Variants in HS3ST3B1 observed in about 807,000 individuals in gnomAD.
HS3ST3B1 encodes heparan sulfate-glucosamine 3-sulfotransferase 3B1.
Under a neutral mutation model 21.3 loss-of-function variants are expected in HS3ST3B1, and 13 were observed. That is an observed-to-expected ratio of 0.61 (90% CI 0.40 to 0.97). The LOEUF (loss-of-function observed/expected upper bound fraction) is 0.97, where lower values mean the gene tolerates loss of function less well. Ranked by LOEUF, HS3ST3B1 falls within the 50% of genes least tolerant of loss-of-function variation. HS3ST3B1 has a pLI of 0.00. For missense variants in HS3ST3B1, 459 were observed against 554.8 expected (o/e 0.83, Z 1.73); for synonymous variants, 234 against 254.8 (o/e 0.92, Z 0.78).
At chr17:14,340,413 C>T (rs948591237) in intron 1 of HS3ST3B1, among the ~76,000 whole-genome samples, 1 of 151,984 alleles carries the variant, frequency 6.6e-6, no homozygotes, top group Admixed American at 6.5e-5. Flanking sequence ...CCACTGACCC[C>T]CACCCTGCTC....
rs755896423 is a variant in HS3ST3B1, at chr17:14,301,962, C to A, written c.444C>A (p.Gly148=). The part of the protein sequence containing the change: ...PQAIIIGVKK[G]GTRALLEFLR... ...CCATCATCATCGGCGTGAAGAAGGG[C>A]GGCACGCGGGCGCTGCTGGAGTTTC... is the stretch of plus-strand genomic sequence containing the variant. Residue 148 remains glycine (G), a synonymous_variant, in exon 1 of 2, where the codon GGC becomes GGA. Coordinates refer to ENST00000360954, the MANE Select transcript of HS3ST3B1 (RefSeq NM_006041.3). The A allele has an allele frequency of 2.5e-6, 4 of 1,608,666 alleles. No individual in the cohort carries two copies. The highest frequency in any genetic ancestry group is 1.3e-5 in the African/African-American group (1 of 74,892).
rs1010011240 is a variant in HS3ST3B1, at chr17:14,347,301, T to C, written c.*1655T>C. 6.6e-6 allele frequency: 1 copy of C among 152,240 alleles called. No homozygotes were observed. The highest frequency in any genetic ancestry group is 1.5e-5 in the Non-Finnish European group (1 of 68,046). The allele number at this position is 152,240 out of a possible 1,614,324, so 9.4% of individuals were successfully genotyped here. A position where few individuals can be genotyped will look rare whatever the true frequency, so the allele number is the denominator to read the frequency against. On this transcript the variant is annotated 3_prime_UTR_variant, in exon 2 of 2. Transcript: ENST00000360954. ...GTGCCTCTCTGTTGATTTATAACAG[T>C]TGGGTAACCAGATAGCAATATAGTG...
chr17:14,319,536 G>A (rs1372952273), intron 1 of HS3ST3B1, among the ~76,000 whole-genome samples: 4 of 152,124 alleles, frequency 2.6e-5, no homozygotes, highest in Non-Finnish European at 5.9e-5. Flanking sequence ...AATGTATTGA[G>A]CATCTACTCT....
chr17:14,316,032 C>A (rs1224746516), intron 1 of HS3ST3B1, among the ~76,000 whole-genome samples: 5 of 152,174 alleles, frequency 3.3e-5, no homozygotes, highest in Non-Finnish European at 7.3e-5. Flanking sequence ...TTGTGTCTAT[C>A]CAGATGCCAG....
intron 1 of HS3ST3B1, among the ~76,000 whole-genome samples, chr17:14,338,062 G>C (rs1053191079): frequency 6.6e-6 from 1 of 151,708 alleles, no homozygotes. Context: ...GGCATATAAC[G>C]CCAGTTAAAA....
intron 1 of HS3ST3B1, among the ~76,000 whole-genome samples, chr17:14,306,931 ACT>A (rs1352781718): frequency 6.6e-6 from 1 of 152,178 alleles, no homozygotes; most frequent in Non-Finnish European, 1.5e-5. Flanking sequence ...CATGTGTTGA[ACT>A]CTGTTTTTAA....
In HS3ST3B1 at chr17:14,345,718, A is replaced by T. The variant is rs1266169748; in HGVS notation, c.*72A>T. 1 of 1,504,740 alleles carries T rather than the reference A, an allele frequency of 6.6e-7. No homozygotes were observed. The highest frequency in any genetic ancestry group is 8.9e-7 in the Non-Finnish European group (1 of 1,122,532). 93.2% of individuals were successfully genotyped at this position (1,504,740 alleles called of 1,614,324 possible). A position where few individuals can be genotyped will look rare whatever the true frequency, so the allele number is the denominator to read the frequency against. ...GAGATTATATGTATGTAAAATGTAC[A>T]GAAATCTATTTTATAATAATTTATT... On this transcript the variant is annotated 3_prime_UTR_variant, in exon 2 of 2. Transcript: ENST00000360954.
intron 1 of HS3ST3B1, chr17:14,304,001 A>G (rs1483842125): frequency 6.6e-6 from 1 of 152,244 alleles, no homozygotes; most frequent in African/African-American, 2.4e-5. Flanking sequence ...GCTGCCCTCC[A>G]CCTGCCACGT....
intron 1 of HS3ST3B1, among the ~76,000 whole-genome samples, chr17:14,331,191 A>G (rs912552794): frequency 1.3e-5 from 2 of 151,818 alleles, no homozygotes; most frequent in African/African-American, 4.8e-5. Flanking sequence ...ATTTCACAGG[A>G]TTTGTCCCGG....
intron 1 of HS3ST3B1, among the ~76,000 whole-genome samples, chr17:14,314,575 A>G (rs1232569478): frequency 6.6e-6 from 1 of 152,218 alleles, no homozygotes; most frequent in East Asian, 1.9e-4. Context: ...GTTTTAAAAC[A>G]TGCACATTTA....
At position 14,301,580 on chromosome 17, in the gene HS3ST3B1, A is replaced by AGCCGCCGCCGCCCCC; in HGVS notation, c.70_84dup (p.Pro24_Pro28dup). On this transcript the variant is annotated inframe_insertion, in exon 1 of 2. Coordinates refer to ENST00000360954, the MANE Select transcript of HS3ST3B1 (RefSeq NM_006041.3). ...GATGTCCCCGGCCGGCTCCTACCGC[A>AGCCGCCGCCGCCCCC]GCCGCCGCCGCCCCCGCCGCCGGTG... 6.3e-7 allele frequency: 1 copy of AGCCGCCGCCGCCCCC among 1,598,468 alleles called. No homozygotes were observed.
chr17:14,348,770 A>T lies in HS3ST3B1; in HGVS notation c.*3124A>T, dbSNP rs919104247. On this transcript the variant is annotated 3_prime_UTR_variant, in exon 2 of 2. Coordinates refer to ENST00000360954, the MANE Select transcript of HS3ST3B1 (RefSeq NM_006041.3). ...ACAAACAAAAAGGTCAACAAAAAAA[A>T]ATTGAGGTTTTTCTTGTTTCTATCT... 6.6e-6 allele frequency: 1 copy of T among 152,200 alleles called. No homozygotes were observed. Among genetic ancestry groups the T allele is most frequent in the African/African-American group, 2.4e-5 (1 of 41,452 alleles). The allele number at this position is 152,200 out of a possible 1,614,324, so 9.4% of individuals were successfully genotyped here.
intron 1 of HS3ST3B1, among the ~76,000 whole-genome samples, chr17:14,307,045 C>T (rs572997592): frequency 5.3e-5 from 8 of 152,058 alleles, no homozygotes; most frequent in Non-Finnish European, 1.0e-4. Flanking sequence ...TTCCCAGATG[C>T]TCTGAGTTAA....
intron 1 of HS3ST3B1, among the ~76,000 whole-genome samples, chr17:14,321,277 G>C (rs1909650557): frequency 6.6e-6 from 1 of 152,196 alleles, no homozygotes; most frequent in Non-Finnish European, 1.5e-5. Flanking sequence ...TGAGCTAGAA[G>C]AGGAGGCAGC....
In HS3ST3B1 at chr17:14,301,689, C is replaced by G. The variant is rs761383336; in HGVS notation, c.171C>G (p.Ala57=). 5 of 1,600,702 alleles carry G rather than the reference C, an allele frequency of 3.1e-6. No homozygotes were observed. The highest frequency in any genetic ancestry group is 2.7e-5 in the African/African-American group (2 of 73,114). The change falls in exon 1 of 2, where the codon GCC becomes GCG. Residue 57 remains alanine (A), a synonymous_variant. Coordinates refer to ENST00000360954, the MANE Select transcript of HS3ST3B1 (RefSeq NM_006041.3). ...FLYSCAGSCA[A]APGLLLLGSG... is the part of the protein sequence containing the mutation. ...ACTCGTGCGCCGGCTCCTGCGCCGCCGCGCCGGGGCTGCTGCTCCTGGGCT... is the reference window on the plus strand; with the variant it reads ...ACTCGTGCGCCGGCTCCTGCGCCGCGGCGCCGGGGCTGCTGCTCCTGGGCT...
Position 14,301,587 on chromosome 17 carries a change from G to GCCGCCC in HS3ST3B1, c.75_80dup (p.Pro27_Pro28dup). ...CCGGCCGGCTCCTACCGCAGCCGCC[G>GCCGCCC]CCGCCCCCGCCGCCGGTGAGGAGGA... On this transcript the variant is annotated inframe_insertion, in exon 1 of 2. Coordinates refer to ENST00000360954, the MANE Select transcript of HS3ST3B1 (RefSeq NM_006041.3). 1 of 1,600,228 alleles carries GCCGCCC rather than the reference G, an allele frequency of 6.2e-7. No homozygotes were observed. The highest frequency in any genetic ancestry group is 8.5e-7 in the Non-Finnish European group (1 of 1,178,000).
intron 1 of HS3ST3B1, among the ~76,000 whole-genome samples, chr17:14,310,546 C>T (rs1909273922): frequency 6.6e-6 from 1 of 152,214 alleles, no homozygotes; most frequent in African/African-American, 2.4e-5. Flanking sequence ...AACATCGTTG[C>T]ATGAGATGTT....
At chr17:14,319,880 C>T (rs1208541927) in intron 1 of HS3ST3B1, among the ~76,000 whole-genome samples, 1 of 151,990 alleles carries the variant, frequency 6.6e-6, no homozygotes, top group Non-Finnish European at 1.5e-5. Flanking sequence ...ACCCATCACC[C>T]AAGCAATGTA....
intron 1 of HS3ST3B1, among the ~76,000 whole-genome samples, chr17:14,317,582 C>G (rs1909538315): frequency 6.6e-6 from 1 of 152,068 alleles, no homozygotes; most frequent in South Asian, 2.1e-4. Context: ...GGCTGGTTGT[C>G]CTGGAAACTG....
Sources: allele counts gnomAD v4.1 joint callset (sites outside exome capture counted in the v4.1 genomes callset), GRCh38; gene constraint gnomAD v4.1.1; transcripts MANE v1.5; gene names NCBI Gene and HGNC (gene_info 2026-07-23, HGNC 2026-07-21).